The following WDPCP variants were observed in gnomAD, a reference collection of about 807,000 sequenced individuals.
WDPCP encodes WD repeat containing planar cell polarity effector.
A neutral mutation model predicts 93.1 loss-of-function variants in WDPCP; 71 were observed. The observed-to-expected ratio is 0.76, with a 90% CI of 0.63 to 0.93. WDPCP has a LOEUF of 0.93. Ranked by LOEUF, WDPCP falls within the 40% of genes least tolerant of loss-of-function variation. The pLI is 0.00. For synonymous variants in WDPCP, 315 were observed against 315.0 expected, an observed-to-expected ratio of 1.00 and a Z score of 0.00; for missense variants, 844 against 887.4, an observed-to-expected ratio of 0.95 and a Z score of 0.62.
chr2:63,603,737 A>G (rs1709475404), intron 3 of WDPCP, among the ~76,000 whole-genome samples: 1 of 148,630 alleles, frequency 6.7e-6, no homozygotes, highest in Non-Finnish European at 1.5e-5. Context: ...GGCTCACCGC[A>G]ACCTCCGCCT....
intron 17 of WDPCP, among the ~76,000 whole-genome samples, chr2:63,123,068 A>T: frequency 6.6e-6 from 1 of 150,746 alleles, no homozygotes; most frequent in African/African-American, 2.4e-5. Flanking sequence ...AAAAACCTGG[A>T]AAAACAGGTA....
intron 13 of WDPCP, among the ~76,000 whole-genome samples, chr2:63,270,645 A>G (rs2104853636): frequency 6.6e-6 from 1 of 152,284 alleles, no homozygotes; most frequent in South Asian, 2.1e-4. Context: ...ACACAGAAGG[A>G]GAGGGAAGAA....
the WDPCP span, among the ~76,000 whole-genome samples, chr2:63,834,293 T>C: frequency 6.6e-6 from 1 of 152,254 alleles, no homozygotes; most frequent in Non-Finnish European, 1.5e-5. Context: ...AATTTGTTGC[T>C]GTACAGATCC....
At chr2:63,687,811 A>G (rs1308060475) in intron 2 of WDPCP, among the ~76,000 whole-genome samples, 3 of 152,200 alleles carry the variant, frequency 2.0e-5, no homozygotes, top group Non-Finnish European at 4.4e-5. Context: ...AAGCTACTCT[A>G]TGATCCAGCA....
At chr2:63,346,506 C>G (rs1689201539) in intron 12 of WDPCP, among the ~76,000 whole-genome samples, 1 of 152,242 alleles carries the variant, frequency 6.6e-6, no homozygotes, top group South Asian at 2.1e-4. Context: ...ATTAGTGCAT[C>G]TGCACAGAAC....
intron 2 of WDPCP, among the ~76,000 whole-genome samples, chr2:63,656,756 C>T (rs547529375): frequency 1.1e-4 from 17 of 152,270 alleles, no homozygotes; most frequent in African/African-American, 2.4e-4. Flanking sequence ...TTACATTCAA[C>T]GTAGGGACAG....
At chr2:63,798,091 T>G (rs1026887615) in intron 2 of WDPCP, among the ~76,000 whole-genome samples, 1 of 152,116 alleles carries the variant, frequency 6.6e-6, no homozygotes, top group African/African-American at 2.4e-5. Flanking sequence ...AAAATATCCT[T>G]CAAACATGAA....
intron 1 of WDPCP, among the ~76,000 whole-genome samples, chr2:63,507,944 C>G (rs548006713): frequency 7.1e-4 from 108 of 152,108 alleles, no homozygotes; most frequent in Non-Finnish European, 1.4e-3. Flanking sequence ...GTGAAAAGAC[C>G]AAGCCTACAT....
At chr2:63,513,329 T>C (rs962174909) in intron 1 of WDPCP, among the ~76,000 whole-genome samples, 4 of 152,086 alleles carry the variant, frequency 2.6e-5, no homozygotes, top group Non-Finnish European at 4.4e-5. Context: ...TAACCAAAAA[T>C]GGTGGCATAA....
intron 1 of WDPCP, among the ~76,000 whole-genome samples, chr2:63,547,894 C>G (rs955610119): frequency 6.6e-6 from 1 of 151,976 alleles, no homozygotes; most frequent in Non-Finnish European, 1.5e-5. Context: ...CTATACTTAA[C>G]AGTAATCTAT....
chr2:63,411,958 G>A (rs1374251298), intron 9 of WDPCP, among the ~76,000 whole-genome samples: 6 of 152,070 alleles, frequency 3.9e-5, no homozygotes, highest in Non-Finnish European at 7.4e-5. Context: ...ATTCAAAGAA[G>A]AATTGGTACC....
At chr2:63,597,672 T>C (rs1709343552) in intron 3 of WDPCP, 1 of 1,109,354 alleles carries the variant, frequency 9.0e-7, no homozygotes, top group Non-Finnish European at 1.2e-6. Flanking sequence ...CCCTTTTTTC[T>C]AGTTCTGTAC....
chr2:63,153,020 T>A, intron 16 of WDPCP, 75 bp from the exon 17 acceptor site: 1 of 1,227,594 alleles, frequency 8.1e-7, no homozygotes, highest in Non-Finnish European at 1.2e-6. Context: ...TTTACAACAC[T>A]AAAAACAGAA....
At chr2:63,472,061 C>A (rs1390204477) in intron 6 of WDPCP, among the ~76,000 whole-genome samples, 1 of 152,056 alleles carries the variant, frequency 6.6e-6, no homozygotes, top group African/African-American at 2.4e-5. Context: ...AAATCACTTT[C>A]TTTCCGAATT....
At chr2:63,227,095 A>G (rs1208267308) in intron 14 of WDPCP, among the ~76,000 whole-genome samples, 1 of 152,000 alleles carries the variant, frequency 6.6e-6, no homozygotes, top group Non-Finnish European at 1.5e-5. Flanking sequence ...AAGGAAAAGG[A>G]ATCACTCTAT....
At chr2:63,625,675 C>T (rs1049387058) in intron 3 of WDPCP, among the ~76,000 whole-genome samples, 4 of 152,080 alleles carry the variant, frequency 2.6e-5, no homozygotes, top group African/African-American at 9.7e-5. Context: ...AAACCACGCT[C>T]AAGGCAATAA....
chr2:63,287,662 T>C (rs79011539), intron 13 of WDPCP, among the ~76,000 whole-genome samples: 2,304 of 152,314 alleles, frequency 0.015, 64 homozygotes, highest in African/African-American at 0.053. Context: ...ATTCCAGTTA[T>C]AAATTTTTAA....
At chr2:63,275,958 T>G (rs78790191) in intron 13 of WDPCP, among the ~76,000 whole-genome samples, 2 of 7,128 alleles carry the variant, frequency 2.8e-4, no homozygotes, top group African/African-American at 7.2e-3. Context: ...CATAGACTCT[T>G]TGAAGGAACT....
intron 1 of WDPCP, among the ~76,000 whole-genome samples, chr2:63,550,065 T>C (rs1705468796): frequency 1.8e-5 from 1 of 56,006 alleles, no homozygotes; most frequent in South Asian, 7.1e-4. Flanking sequence ...ATGCTTTCTC[T>C]CTCTCTCCTT....
Sources: allele counts gnomAD v4.1 joint callset (sites outside exome capture counted in the v4.1 genomes callset), GRCh38; gene constraint gnomAD v4.1.1; transcripts MANE v1.5; gene names NCBI Gene and HGNC (gene_info 2026-07-23, HGNC 2026-07-21).